TMEM50B: variants seen among roughly 807,000 people sequenced by gnomAD.
The protein encoded by TMEM50B is HCV p7-trans-regulated protein 3.
TMEM50B carries 14 observed loss-of-function variants against 23.4 expected under a neutral mutation model. The ratio of observed to expected loss-of-function variants is 0.60; its 90% CI spans 0.39 to 0.93. TMEM50B has a LOEUF of 0.93. Ranked by LOEUF, TMEM50B falls within the 40% of genes least tolerant of loss-of-function variation. The pLI, the probability that TMEM50B is intolerant of heterozygous loss-of-function variation, is 0.00. For synonymous variants in TMEM50B, 64 were observed against 62.3 expected (o/e 1.03, Z -0.13); for missense variants, 159 against 193.0 (o/e 0.82, Z 1.04).
intron 4 of TMEM50B, among the ~76,000 whole-genome samples, chr21:33,463,887 C>T (rs1270706281): frequency 6.6e-6 from 1 of 152,116 alleles, no homozygotes; most frequent in Non-Finnish European, 1.5e-5. Flanking sequence ...CACTGCACTC[C>T]AGCCTGGGTG....
chr21:33,466,425 C>T (rs1281170009), intron 3 of TMEM50B, among the ~76,000 whole-genome samples: 3 of 151,902 alleles, frequency 2.0e-5, no homozygotes, highest in Non-Finnish European at 2.9e-5. Context: ...ACAAACAAAT[C>T]TCTTTTGAGG....
intron 7 of TMEM50B, among the ~76,000 whole-genome samples, chr21:33,440,173 A>C (rs2083995287): frequency 6.6e-6 from 1 of 152,234 alleles, no homozygotes; most frequent in African/African-American, 2.4e-5. Flanking sequence ...TGTTTTTGTA[A>C]AACCCGTGTG....
chr21:33,452,307 G>A (rs890793491), intron 6 of TMEM50B, among the ~76,000 whole-genome samples: 12 of 152,198 alleles, frequency 7.9e-5, no homozygotes, highest in African/African-American at 2.7e-4. Context: ...AGAGTGGAGG[G>A]AGACCACATG....
chr21:33,471,409 A>G (rs1004076811), intron 1 of TMEM50B, among the ~76,000 whole-genome samples: 1 of 152,334 alleles, frequency 6.6e-6, no homozygotes, highest in East Asian at 1.9e-4. Context: ...TAAGGAGGAA[A>G]AAGAACAGTC....
In TMEM50B at chr21:33,449,288, CA is replaced by C. The variant is rs2123411786; in HGVS notation, c.*1529del. 1 of 152,368 alleles carries C rather than the reference CA, an allele frequency of 6.6e-6. No individual in the cohort carries two copies. Among genetic ancestry groups the C allele is most frequent in the South Asian group, 2.1e-4 (1 of 4,822 alleles). 9.4% of individuals were successfully genotyped at this position (152,368 alleles called of 1,614,324 possible). On this transcript the variant is annotated 3_prime_UTR_variant, in exon 7 of 7. Transcript: ENST00000542230. The stretch of plus-strand genomic sequence containing the variant: ...GTCATCAAACAAGATGGTATCTTGA[CA>C]AAGGCACAGCGCTCCACAACTGCTT...
chr21:33,473,668 AAC>A (rs1491016858), intron 1 of TMEM50B, among the ~76,000 whole-genome samples: 45 of 151,638 alleles, frequency 3.0e-4, no homozygotes, highest in African/African-American at 1.0e-3. Flanking sequence ...AAAAAAAAAA[AAC>A]AAGAAGGTGA....
At chr21:33,462,521 T>C (rs1422651455) in intron 4 of TMEM50B, among the ~76,000 whole-genome samples, 1 of 152,038 alleles carries the variant, frequency 6.6e-6, no homozygotes, top group Admixed American at 6.6e-5. Flanking sequence ...AAACAGATAA[T>C]AGTGGCCAGG....
downstream of TMEM50B, among the ~76,000 whole-genome samples, chr21:33,444,418 G>A (rs543455825): frequency 1.2e-4 from 18 of 152,012 alleles, no homozygotes; most frequent in East Asian, 1.5e-3. Flanking sequence ...GGTGGCGTGC[G>A]TCTGTAGTCC....
At chr21:33,453,457 G>C (rs943157184) in intron 6 of TMEM50B, among the ~76,000 whole-genome samples, 2 of 152,036 alleles carry the variant, frequency 1.3e-5, no homozygotes, top group Admixed American at 6.6e-5. Context: ...AAAAAAATCT[G>C]ACCATTAGCA....
chr21:33,477,655 CA>C (rs1397074435), intron 1 of TMEM50B, among the ~76,000 whole-genome samples: 6 of 147,394 alleles, frequency 4.1e-5, no homozygotes, highest in Non-Finnish European at 8.9e-5. Flanking sequence ...ACTAAAAATA[CA>C]AAAATTAGCT....
At chr21:33,456,783 A>G (rs2084172104) in intron 5 of TMEM50B, among the ~76,000 whole-genome samples, 1 of 152,216 alleles carries the variant, frequency 6.6e-6, no homozygotes, top group Admixed American at 6.5e-5. Flanking sequence ...CCAGAGTGTA[A>G]GAATTAGATG....
At chr21:33,462,392 T>C (rs548107965) in intron 4 of TMEM50B, among the ~76,000 whole-genome samples, 17 of 152,128 alleles carry the variant, frequency 1.1e-4, no homozygotes, top group African/African-American at 1.9e-4. Context: ...TAGAATAAAA[T>C]ATAATAATCA....
chr21:33,468,691 A>G (rs962478447), intron 2 of TMEM50B, 96 bp downstream of exon 2: 1 of 900,236 alleles, frequency 1.1e-6, no homozygotes, highest in Non-Finnish European at 1.8e-6. Flanking sequence ...TGAAATAAAT[A>G]GTTCTGGAAA....
chr21:33,478,976 T>C (rs1461547347), intron 1 of TMEM50B: 3 of 358,780 alleles, frequency 8.4e-6, no homozygotes, highest in African/African-American at 4.3e-5. Flanking sequence ...CGGATGCCAC[T>C]TCCCTCCCAC....
At chr21:33,441,204 T>A (rs2123394790) in intron 7 of TMEM50B, among the ~76,000 whole-genome samples, 1 of 152,092 alleles carries the variant, frequency 6.6e-6, no homozygotes. Context: ...CACCTCAACC[T>A]GGGCAACAGA....
At chr21:33,458,885 C>G (rs1018495545) in intron 5 of TMEM50B, among the ~76,000 whole-genome samples, 1 of 152,172 alleles carries the variant, frequency 6.6e-6, no homozygotes, top group Non-Finnish European at 1.5e-5. Context: ...TTTAAGCCAA[C>G]CACTGTCCTC....
chr21:33,445,569 C>T (rs1427732890), downstream of TMEM50B, among the ~76,000 whole-genome samples: 3 of 152,108 alleles, frequency 2.0e-5, no homozygotes, highest in East Asian at 1.9e-4. Flanking sequence ...CCAAGGCTGG[C>T]GGATCGCTTG....
chr21:33,468,882 C>T lies in TMEM50B; in HGVS notation c.4G>A (p.Ala2Thr). M[A>T]GFLDNFRWPE... ...CAACGAAAATTATCTAGGAAGCCTG[C>T]CATTTTTACTTCTTAAGCATAAATT... Residue 2 changes from alanine (A) to threonine (T), a missense_variant, in exon 2 of 7, where the codon GCA becomes ACA. Transcript: ENST00000542230. 6.2e-7 allele frequency: 1 copy of T among 1,612,432 alleles called. No homozygotes were observed. Among genetic ancestry groups the T allele is most frequent in the Non-Finnish European group, 8.5e-7 (1 of 1,179,064 alleles).
At position 33,450,595 on chromosome 21, in the gene TMEM50B, C is replaced by A; in HGVS notation, c.*223G>T. The A allele has an allele frequency of 2.4e-6, 1 of 408,446 alleles. No individual in the cohort carries two copies. Among genetic ancestry groups the A allele is most frequent in the Non-Finnish European group, 4.4e-6 (1 of 225,704 alleles). The allele number at this position is 408,446 out of a possible 1,614,324, so 25.3% of individuals were successfully genotyped here. On this transcript the variant is annotated 3_prime_UTR_variant, in exon 7 of 7. Coordinates refer to ENST00000542230, the MANE Select transcript of TMEM50B (RefSeq NM_006134.7). The stretch of plus-strand genomic sequence containing the variant: ...ATCTCAGGAATAAAAAACTGATACT[C>A]ATTATCCAATTCATATAGTCTTGTA...
Sources: gnomAD v4.1 joint callset for allele counts (sites outside exome capture counted in the v4.1 genomes callset) on GRCh38, gnomAD v4.1.1 for gene constraint, MANE v1.5 for transcripts, NCBI Gene and HGNC (gene_info 2026-07-23, HGNC 2026-07-21) for gene names.